Variants in PLVAP observed in about 807,000 individuals in gnomAD.
PLVAP encodes plasmalemma vesicle associated protein, also known as plasmalemma vesicle-associated protein.
In PLVAP, 34 loss-of-function variants were observed where a neutral mutation model predicts 43.1. The observed-to-expected ratio is 0.79, with a 90% CI of 0.60 to 1.05. The LOEUF (loss-of-function observed/expected upper bound fraction) is 1.05. Among genes scored for constraint, PLVAP ranks in the 50% least tolerant of loss-of-function variants. The pLI is 0.00. For synonymous variants in PLVAP, 241 were observed against 237.3 expected (o/e 1.02, Z -0.14); for missense variants, 574 against 593.4 (o/e 0.97, Z 0.34).
intron 1 of PLVAP, among the ~76,000 whole-genome samples, chr19:17,372,495 C>T (rs1188663149): frequency 2.0e-5 from 3 of 149,718 alleles, no homozygotes; most frequent in Admixed American, 6.6e-5. Context: ...CTCGCTCTGT[C>T]GCCCAGGCTG....
intron 1 of PLVAP, among the ~76,000 whole-genome samples, chr19:17,374,419 T>C (rs1204433745): frequency 6.6e-6 from 1 of 151,486 alleles, no homozygotes; most frequent in African/African-American, 2.4e-5. Context: ...GAGCCGAGAC[T>C]GCGCCACTGC....
intron 5 of PLVAP, among the ~76,000 whole-genome samples, chr19:17,354,897 CAA>C (rs35716757): frequency 0.22 from 29,645 of 134,062 alleles, 3,578 homozygotes; most frequent in East Asian, 0.36. Context: ...GACTCCGTCT[CAA>C]AAAAAAAAAA....
At chr19:17,372,365 C>A (rs552134546) in intron 1 of PLVAP, among the ~76,000 whole-genome samples, 98 of 150,368 alleles carry the variant, frequency 6.5e-4, no homozygotes, top group Middle Eastern at 3.5e-3. Flanking sequence ...GCTGAGATTG[C>A]GCCACTGCAA....
In PLVAP at chr19:17,352,270, AG is replaced by A. The variant is rs1378883932; in HGVS notation, c.*91del. On this transcript the variant is annotated 3_prime_UTR_variant, in exon 6 of 6. Transcript: ENST00000252590. ...GCCCTGGGTGGTTGGGGGCGGCGGGAGGGGGTTGTGTCGGGCGCTGTGAGCA... is the reference window on the plus strand; with the variant it reads ...GCCCTGGGTGGTTGGGGGCGGCGGGAGGGGTTGTGTCGGGCGCTGTGAGCA... The A allele has an allele frequency of 1.8e-6, 2 of 1,120,118 alleles. No individual in the cohort carries two copies. Among genetic ancestry groups the A allele is most frequent in the Non-Finnish European group, 2.3e-6 (2 of 883,730 alleles). The allele number at this position is 1,120,118 out of a possible 1,614,324, so 69.4% of individuals were successfully genotyped here. A position where few individuals can be genotyped will look rare whatever the true frequency, so the allele number is the denominator to read the frequency against.
chr19:17,361,927 A>AT (rs1014855613), intron 3 of PLVAP, among the ~76,000 whole-genome samples: 13 of 150,646 alleles, frequency 8.6e-5, no homozygotes, highest in South Asian at 4.2e-4. Context: ...AAAAAATAAA[A>AT]AAAAAAAAAT....
chr19:17,375,329 T>G (rs192947985), intron 1 of PLVAP, among the ~76,000 whole-genome samples: 178 of 152,202 alleles, frequency 1.2e-3, no homozygotes, highest in Middle Eastern at 3.4e-3. Flanking sequence ...GGGAGCTTCA[T>G]GCATAGTAAG....
chr19:17,353,934 A>C lies in PLVAP; in HGVS notation c.1323-1566T>G, dbSNP rs577569503. ...GGACACACGAATCATCAGAGGCGTTAACAGTGAACTTGAACAACATTAACC... is the reference window on the plus strand; with the variant it reads ...GGACACACGAATCATCAGAGGCGTTCACAGTGAACTTGAACAACATTAACC... On this transcript the variant is annotated intron_variant, in intron 5 of 5. Coordinates refer to ENST00000252590, the MANE Select transcript of PLVAP (RefSeq NM_031310.3). Among the ~76,000 whole-genome samples the C allele has an allele frequency of 2.0e-3, 300 of 152,294 alleles. 1 individual carries two copies. The highest frequency in any genetic ancestry group is 3.2e-3 in the Non-Finnish European group (218 of 68,002).
chr19:17,362,999 T>C (rs1313003736), intron 3 of PLVAP, among the ~76,000 whole-genome samples: 1 of 151,922 alleles, frequency 6.6e-6, no homozygotes, highest in African/African-American at 2.4e-5. Context: ...CTAACCCCAA[T>C]CCTCATCCCA....
chr19:17,369,281 G>A (rs1295264232), intron 1 of PLVAP, among the ~76,000 whole-genome samples: 4 of 151,422 alleles, frequency 2.6e-5, no homozygotes, highest in Non-Finnish European at 4.4e-5. Context: ...CGTCTCCCGG[G>A]TTCAAGTGAT....
At chr19:17,369,401 G>A (rs1430452005) in intron 1 of PLVAP, among the ~76,000 whole-genome samples, 2 of 146,256 alleles carry the variant, frequency 1.4e-5, no homozygotes, top group African/African-American at 4.9e-5. Context: ...GGCCAGGCTG[G>A]TCTCGAACTC....
rs558835883 is a variant in PLVAP, at chr19:17,377,298, C to A, written c.-10G>T. The A allele has an allele frequency of 3.9e-5, 63 of 1,600,662 alleles. No homozygotes were observed. The South Asian group carries it at 7.0e-4, about 18-fold the overall frequency. ...CCATGGCCAGACCCATTTGCTCGATCCCGCCGTCCGGTGCACCGTCCCTGC... is the reference window on the plus strand; with the variant it reads ...CCATGGCCAGACCCATTTGCTCGATACCGCCGTCCGGTGCACCGTCCCTGC... On this transcript the variant is annotated 5_prime_UTR_variant, in exon 1 of 6. Transcript: ENST00000252590.
intron 1 of PLVAP, among the ~76,000 whole-genome samples, chr19:17,369,825 ACC>A (rs1177907277): frequency 7.3e-5 from 11 of 151,162 alleles, no homozygotes; most frequent in Admixed American, 7.3e-4. Flanking sequence ...ACATGGTGAA[ACC>A]CCATCTCTAC....
At chr19:17,367,068 G>T (rs1205946669) in intron 1 of PLVAP, among the ~76,000 whole-genome samples, 3 of 150,386 alleles carry the variant, frequency 2.0e-5, no homozygotes, top group Non-Finnish European at 4.4e-5. Context: ...TCAGTCTCCC[G>T]AGGAGCTAGG....
intron 5 of PLVAP, among the ~76,000 whole-genome samples, chr19:17,357,664 G>A (rs1190791246): frequency 2.0e-5 from 3 of 151,880 alleles, no homozygotes; most frequent in Admixed American, 6.6e-5. Flanking sequence ...ACCCTGTCTC[G>A]AAAAAAATAA....
At chr19:17,365,101 T>C (rs1013681097) in intron 3 of PLVAP, among the ~76,000 whole-genome samples, 185 bp downstream of exon 3, 5 of 152,070 alleles carry the variant, frequency 3.3e-5, no homozygotes, top group African/African-American at 9.7e-5. Flanking sequence ...CCCTACACTC[T>C]TCTCAATGCC....
chr19:17,375,217 C>T (rs2074590220), intron 1 of PLVAP, among the ~76,000 whole-genome samples: 1 of 152,180 alleles, frequency 6.6e-6, no homozygotes, highest in East Asian at 1.9e-4. Context: ...CTCGGTCTCC[C>T]AAAGTGCTGG....
chr19:17,355,285 TA>T (rs1452134208), intron 5 of PLVAP, among the ~76,000 whole-genome samples: 1 of 150,474 alleles, frequency 6.6e-6, no homozygotes, highest in Non-Finnish European at 1.5e-5. Flanking sequence ...AAATCTTTTT[TA>T]AAAAAAGCTC....
intron 1 of PLVAP, among the ~76,000 whole-genome samples, chr19:17,372,632 AT>A (rs2074577255): frequency 6.7e-6 from 1 of 148,818 alleles, no homozygotes; most frequent in South Asian, 2.1e-4. Context: ...AATTTTTCGT[AT>A]TTTTAGTAGA....
At chr19:17,366,402 G>A (rs1048526150) in intron 1 of PLVAP, among the ~76,000 whole-genome samples, 2 of 152,054 alleles carry the variant, frequency 1.3e-5, no homozygotes, top group Non-Finnish European at 2.9e-5. Flanking sequence ...AGGATCACTC[G>A]AGCCCAAGAG....
Sources: allele counts gnomAD v4.1 joint callset (sites outside exome capture counted in the v4.1 genomes callset), GRCh38; gene constraint gnomAD v4.1.1; transcripts MANE v1.5; gene names NCBI Gene and HGNC (gene_info 2026-07-23, HGNC 2026-07-21).